THSD4: variants seen among roughly 807,000 people sequenced by gnomAD.
THSD4 encodes the protein thrombospondin type-1 domain-containing protein 4.
Under a neutral mutation model 119.0 loss-of-function variants are expected in THSD4, and 69 were observed. That is an observed-to-expected ratio of 0.58 (90% confidence interval 0.48 to 0.71). THSD4 has a LOEUF of 0.71. Ranked by LOEUF, THSD4 falls within the 30% of genes least tolerant of loss-of-function variation. THSD4 has a pLI of 0.00. For missense variants in THSD4, 1,393 were observed against 1,391.1 expected (o/e 1.00, Z -0.02); for synonymous variants, 524 against 540.4 (o/e 0.97, Z 0.42).
At chr15:71,577,456 G>A (rs2049471410) in intron 7 of THSD4, among the ~76,000 whole-genome samples, 1 of 152,190 alleles carries the variant, frequency 6.6e-6, no homozygotes. Flanking sequence ...AAAATACGAG[G>A]AGGATAGGAG....
intron 6 of THSD4, among the ~76,000 whole-genome samples, chr15:71,318,792 A>G (rs1162887765): frequency 3.3e-5 from 5 of 152,202 alleles, no homozygotes; most frequent in Admixed American, 3.3e-4. Flanking sequence ...GGTTACCTGA[A>G]GAAGAGTCAG....
At chr15:71,137,401 CCACAAT>C (rs1332479500) in intron 1 of THSD4, among the ~76,000 whole-genome samples, 2 of 152,154 alleles carry the variant, frequency 1.3e-5, no homozygotes, top group African/African-American at 4.8e-5. Flanking sequence ...GTTTAATTCC[CCACAAT>C]CACAGTTCTA....
At chr15:71,461,721 A>G (rs1313174233) in intron 7 of THSD4, among the ~76,000 whole-genome samples, 3 of 152,086 alleles carry the variant, frequency 2.0e-5, no homozygotes, top group African/African-American at 7.2e-5. Context: ...TCAATATTAG[A>G]GTCCACTTTT....
At chr15:71,120,728 G>A (rs1051552240) in intron 1 of THSD4, among the ~76,000 whole-genome samples, 2 of 152,222 alleles carry the variant, frequency 1.3e-5, no homozygotes, top group South Asian at 4.1e-4. Flanking sequence ...TGCTCCAGGT[G>A]GGCTTGGAAT....
At chr15:71,385,646 C>G (rs934391305) in intron 6 of THSD4, among the ~76,000 whole-genome samples, 1 of 152,198 alleles carries the variant, frequency 6.6e-6, no homozygotes, top group Non-Finnish European at 1.5e-5. Context: ...TGAAACTTGG[C>G]TGCCCTGATT....
intron 7 of THSD4, among the ~76,000 whole-genome samples, chr15:71,500,903 G>C (rs1431339749): frequency 6.6e-6 from 1 of 152,166 alleles, no homozygotes; most frequent in African/African-American, 2.4e-5. Context: ...TTGAATCCAG[G>C]AAGTGTGAGG....
chr15:71,377,867 AAC>A (rs376497737), intron 6 of THSD4, among the ~76,000 whole-genome samples: 3,540 of 86,224 alleles, frequency 0.041, 80 homozygotes, highest in South Asian at 0.087. Flanking sequence ...ACATATCCAC[AAC>A]ACACACACAC....
chr15:71,731,526 C>T (rs2052980147), intron 10 of THSD4: 2 of 329,836 alleles, frequency 6.1e-6, no homozygotes, highest in Non-Finnish European at 1.2e-5. Flanking sequence ...TGCCTGTAAT[C>T]CTAGCACTCT....
intron 6 of THSD4, among the ~76,000 whole-genome samples, chr15:71,302,533 A>G (rs1308110490): frequency 1.3e-5 from 2 of 150,282 alleles, no homozygotes; most frequent in African/African-American, 2.4e-5. Context: ...GAACCTCCTC[A>G]CATCCACTTA....
intron 1 of THSD4, among the ~76,000 whole-genome samples, chr15:71,139,541 G>GA (rs1384766427): frequency 6.6e-6 from 1 of 152,196 alleles, no homozygotes; most frequent in Non-Finnish European, 1.5e-5. Context: ...TGAGAGCCAA[G>GA]AATTTAAGGG....
intron 6 of THSD4, among the ~76,000 whole-genome samples, chr15:71,297,532 C>T (rs2044883232): frequency 1.3e-5 from 2 of 152,118 alleles, no homozygotes; most frequent in South Asian, 4.1e-4. Flanking sequence ...GACAGGGTTT[C>T]ACCATGTTGG....
intron 6 of THSD4, among the ~76,000 whole-genome samples, chr15:71,280,265 G>T (rs1329190749): frequency 1.3e-5 from 2 of 149,906 alleles, no homozygotes; most frequent in Non-Finnish European, 3.0e-5. Flanking sequence ...TGGCCTGGAA[G>T]TTTGGGGCCA....
chr15:71,141,647 A>G lies in THSD4; in HGVS notation c.29+91A>G, dbSNP rs370841598. The G allele has an allele frequency of 2.2e-5, 30 of 1,393,430 alleles. No homozygotes were observed. The South Asian group carries it at 3.4e-4, about 16-fold the overall frequency. 86.3% of individuals were successfully genotyped at this position (1,393,430 alleles called of 1,614,324 possible). On this transcript the variant is annotated intron_variant, in intron 2 of 17. Coordinates refer to ENST00000261862, the MANE Select transcript of THSD4 (RefSeq NM_024817.3). ...GTCATTTCTTAAAGTAAGTGATCTTAAGGGTCTGCAGCTGACTGATATTTT... is the reference window on the plus strand; with the variant it reads ...GTCATTTCTTAAAGTAAGTGATCTTGAGGGTCTGCAGCTGACTGATATTTT...
At position 71,229,714 on chromosome 15, in the gene THSD4, C is replaced by T. The variant is rs181697184; in HGVS notation, c.465-12935C>T. Among the ~76,000 whole-genome samples, 217 of 152,228 alleles carry T rather than the reference C, an allele frequency of 1.4e-3. 1 individual carries two copies. The highest frequency in any genetic ancestry group is 5.1e-3 in the African/African-American group (211 of 41,512). ...AATTATTTTTATGGATAGGTAAACTCGAGTAGAGATCTCTCCTGGCTTTAA... is the reference window on the plus strand; with the variant it reads ...AATTATTTTTATGGATAGGTAAACTTGAGTAGAGATCTCTCCTGGCTTTAA... On this transcript the variant is annotated intron_variant, in intron 4 of 17. Coordinates refer to ENST00000261862, the MANE Select transcript of THSD4 (RefSeq NM_024817.3).
chr15:71,350,574 T>C (rs1369506956), intron 6 of THSD4, among the ~76,000 whole-genome samples: 2 of 152,202 alleles, frequency 1.3e-5, no homozygotes, highest in African/African-American at 4.8e-5. Flanking sequence ...TTTTTCTTCT[T>C]CATTGCTTAA....
intron 14 of THSD4, among the ~76,000 whole-genome samples, chr15:71,757,179 T>C (rs1304424390): frequency 3.9e-5 from 6 of 152,108 alleles, no homozygotes; most frequent in Non-Finnish European, 8.8e-5. Flanking sequence ...GCCGCACAGC[T>C]AGTGAGGATA....
chr15:71,438,263 A>C (rs894824751), intron 7 of THSD4, among the ~76,000 whole-genome samples: 2 of 152,150 alleles, frequency 1.3e-5, no homozygotes, highest in Non-Finnish European at 2.9e-5. Context: ...TTATGCATTA[A>C]AGAGATTATT....
chr15:71,457,715 TG>T (rs2047360603), intron 7 of THSD4, among the ~76,000 whole-genome samples: 1 of 152,216 alleles, frequency 6.6e-6, no homozygotes, highest in South Asian at 2.1e-4. Context: ...GGTCATCTTC[TG>T]ACCAGCCTGT....
chr15:71,745,838 T>C (rs1335502727), intron 12 of THSD4, among the ~76,000 whole-genome samples: 3 of 152,142 alleles, frequency 2.0e-5, no homozygotes, highest in Admixed American at 2.0e-4. Flanking sequence ...AGGGACAGGG[T>C]TTTGCCATGT....
Sources: gnomAD v4.1 joint callset for allele counts (sites outside exome capture counted in the v4.1 genomes callset) on GRCh38, gnomAD v4.1.1 for gene constraint, MANE v1.5 for transcripts, NCBI Gene and HGNC (gene_info 2026-07-23, HGNC 2026-07-21) for gene names.